Variants in CRPPA observed in about 807,000 individuals in gnomAD.
CRPPA encodes the protein CDP-L-ribitol pyrophosphorylase A.
Under a neutral mutation model 52.0 loss-of-function variants are expected in CRPPA, and 43 were observed. The ratio of observed to expected loss-of-function variants is 0.83; its 90% confidence interval spans 0.65 to 1.07. The LOEUF is 1.07. Among genes scored for constraint, CRPPA ranks in the 50% least tolerant of loss-of-function variants. The pLI is 0.00. For missense variants in CRPPA, 629 were observed against 551.7 expected (o/e 1.14, Z -1.40); for synonymous variants, 250 against 203.5 (o/e 1.23, Z -1.94).
At chr7:16,292,476 G>C (rs756108511) in intron 5 of CRPPA, among the ~76,000 whole-genome samples, 8 of 152,028 alleles carry the variant, frequency 5.3e-5, no homozygotes, top group Non-Finnish European at 8.8e-5. Context: ...AGCACAGAGG[G>C]AGGAAGAATT....
At chr7:16,209,021 G>A (rs1782044519) in intron 9 of CRPPA, 4 of 440,598 alleles carry the variant, frequency 9.1e-6, no homozygotes, top group African/African-American at 4.0e-5. Context: ...GTGACACAGG[G>A]CAAGAAGGGC....
chr7:16,401,009 G>C (rs896065048), intron 2 of CRPPA, among the ~76,000 whole-genome samples: 1 of 152,138 alleles, frequency 6.6e-6, no homozygotes, highest in Non-Finnish European at 1.5e-5. Flanking sequence ...TCCTGGACCA[G>C]GGTCCAGAGT....
intron 9 of CRPPA, among the ~76,000 whole-genome samples, chr7:16,142,158 G>A (rs1782885960): frequency 6.6e-6 from 1 of 152,116 alleles, no homozygotes; most frequent in Admixed American, 6.5e-5. Flanking sequence ...CCACAGATAC[G>A]GACTGGCTTC....
chr7:16,235,493 T>C, intron 8 of CRPPA, among the ~76,000 whole-genome samples: 1 of 152,216 alleles, frequency 6.6e-6, no homozygotes, highest in South Asian at 2.1e-4. Context: ...CTGCCTATTT[T>C]GTAATACAGT....
chr7:16,195,123 C>G (rs897277132), intron 9 of CRPPA, among the ~76,000 whole-genome samples: 1 of 151,790 alleles, frequency 6.6e-6, no homozygotes, highest in Admixed American at 6.6e-5. Flanking sequence ...CAAAGTAAAC[C>G]ACACAATGAT....
intron 8 of CRPPA, 116 bp downstream of exon 8, chr7:16,258,274 A>C: frequency 1.8e-6 from 1 of 553,446 alleles, no homozygotes; most frequent in Non-Finnish European, 3.1e-6. Flanking sequence ...CACAAACAAG[A>C]GTTTCTTTTG....
intron 9 of CRPPA, among the ~76,000 whole-genome samples, chr7:16,119,993 T>G (rs112739274): frequency 6.6e-6 from 1 of 152,150 alleles, no homozygotes; most frequent in Non-Finnish European, 1.5e-5. Flanking sequence ...TTTAGGAATC[T>G]AGTGGAAGTC....
At chr7:16,262,190 CT>C (rs1783828851) in intron 6 of CRPPA, 1 of 152,112 alleles carries the variant, frequency 6.6e-6, no homozygotes, top group Admixed American at 6.6e-5. Context: ...TTTCTTTTAG[CT>C]TTCTGAAGAA....
At chr7:16,184,233 G>T (rs990949590) in intron 9 of CRPPA, among the ~76,000 whole-genome samples, 1 of 152,040 alleles carries the variant, frequency 6.6e-6, no homozygotes, top group Admixed American at 6.6e-5. Flanking sequence ...GAGCCACCAC[G>T]CCCGGCCTGG....
chr7:16,103,963 G>T, intron 9 of CRPPA, among the ~76,000 whole-genome samples: 1 of 152,040 alleles, frequency 6.6e-6, no homozygotes, highest in East Asian at 1.9e-4. Flanking sequence ...AGAATAAAAT[G>T]GGCCAATTCA....
At chr7:16,365,115 A>G (rs987924792) in intron 3 of CRPPA, among the ~76,000 whole-genome samples, 2 of 152,178 alleles carry the variant, frequency 1.3e-5, no homozygotes, top group Admixed American at 1.3e-4. Flanking sequence ...TGAGGACAGC[A>G]GCCAGAGTCT....
intron 6 of CRPPA, among the ~76,000 whole-genome samples, chr7:16,261,373 A>G (rs1298682162): frequency 6.6e-6 from 1 of 152,092 alleles, no homozygotes; most frequent in Non-Finnish European, 1.5e-5. Context: ...AGAAGGAGAT[A>G]GCACATTTTA....
chr7:16,419,367 G>A (rs1266088730), intron 1 of CRPPA, among the ~76,000 whole-genome samples: 1 of 152,186 alleles, frequency 6.6e-6, no homozygotes, highest in East Asian at 1.9e-4. Flanking sequence ...TCATTCCTTG[G>A]CATAGGCCGA....
At chr7:16,318,486 G>A (rs1317717806) in intron 3 of CRPPA, among the ~76,000 whole-genome samples, 1 of 152,054 alleles carries the variant, frequency 6.6e-6, no homozygotes, top group Non-Finnish European at 1.5e-5. Context: ...TTCTCCATAT[G>A]TAACAATTTT....
intron 9 of CRPPA, among the ~76,000 whole-genome samples, chr7:16,155,383 T>G (rs1389686227): frequency 1.3e-5 from 2 of 152,194 alleles, no homozygotes; most frequent in African/African-American, 4.8e-5. Flanking sequence ...TTGCAGTTAA[T>G]TCATGGACAA....
intron 8 of CRPPA, among the ~76,000 whole-genome samples, chr7:16,225,551 C>A (rs1375074689): frequency 6.6e-6 from 1 of 151,840 alleles, no homozygotes; most frequent in Admixed American, 6.6e-5. Flanking sequence ...ATATAAATCA[C>A]CAAAGTTACC....
intron 8 of CRPPA, among the ~76,000 whole-genome samples, chr7:16,218,353 A>C (rs1189870379): frequency 1.6e-4 from 22 of 133,442 alleles, no homozygotes. Flanking sequence ...AAATGTAAAG[A>C]CCATCGAGAC....
intron 9 of CRPPA, among the ~76,000 whole-genome samples, chr7:16,110,329 T>G (rs1374047753): frequency 6.6e-6 from 1 of 152,106 alleles, no homozygotes; most frequent in South Asian, 2.1e-4. Flanking sequence ...GAATTAGTAT[T>G]GTTAAAATAC....
At chr7:16,277,033 T>A (rs1358804366) in intron 6 of CRPPA, 1 of 152,180 alleles carries the variant, frequency 6.6e-6, no homozygotes, top group African/African-American at 2.4e-5. Flanking sequence ...TTCAAATGCA[T>A]TGAAAACGTA....
Sources: allele counts gnomAD v4.1 joint callset (sites outside exome capture counted in the v4.1 genomes callset), GRCh38; gene constraint gnomAD v4.1.1; transcripts MANE v1.5; gene names NCBI Gene and HGNC (gene_info 2026-07-23, HGNC 2026-07-21).